The following PLCB4 variants were observed in gnomAD, a reference collection of about 807,000 sequenced individuals.
The protein encoded by PLCB4 is phospholipase C beta 4, also known as 1-phosphatidylinositol 4,5-bisphosphate phosphodiesterase beta-4.
A neutral mutation model predicts 178.8 loss-of-function variants in PLCB4; 77 were observed. The ratio of observed to expected loss-of-function variants is 0.43; its 90% confidence interval spans 0.36 to 0.52. PLCB4 has a LOEUF of 0.52. Ranked by LOEUF, PLCB4 falls within the 20% of genes least tolerant of loss-of-function variation. The pLI, the probability that PLCB4 is intolerant of heterozygous loss-of-function variation, is 0.00. For synonymous variants in PLCB4, 496 were observed against 490.8 expected (o/e 1.01, Z -0.14); for missense variants, 1,024 against 1,453.4 (o/e 0.70, Z 4.80).
At chr20:9,231,597 T>C (rs2093933444) in intron 3 of PLCB4, among the ~76,000 whole-genome samples, 1 of 152,084 alleles carries the variant, frequency 6.6e-6, no homozygotes, top group Non-Finnish European at 1.5e-5. Context: ...CGAATTTCTA[T>C]GGAGATGGGG....
intron 4 of PLCB4, among the ~76,000 whole-genome samples, chr20:9,315,703 C>T (rs1221898076): frequency 6.6e-6 from 1 of 152,074 alleles, no homozygotes; most frequent in Non-Finnish European, 1.5e-5. Flanking sequence ...TAGGCTGAGG[C>T]GGGCACATCA....
intron 33 of PLCB4, among the ~76,000 whole-genome samples, chr20:9,456,136 T>C (rs952822204): frequency 4.6e-5 from 7 of 152,170 alleles, no homozygotes; most frequent in African/African-American, 1.7e-4. Flanking sequence ...GCACCCAGCC[T>C]TCCTGGACTT....
At chr20:9,240,019 T>G (rs760713192) in intron 3 of PLCB4, among the ~76,000 whole-genome samples, 2 of 152,194 alleles carry the variant, frequency 1.3e-5, no homozygotes, top group Non-Finnish European at 2.9e-5. Context: ...CTGCCCAGAT[T>G]GAGGGTGGGT....
intron 2 of PLCB4, among the ~76,000 whole-genome samples, chr20:9,116,627 A>G (rs1372011579): frequency 6.6e-6 from 1 of 152,182 alleles, no homozygotes; most frequent in Non-Finnish European, 1.5e-5. Context: ...CAATAGCTTT[A>G]TAGAAACTTT....
At position 9,367,235 on chromosome 20, in the gene PLCB4, A is replaced by G. The variant is rs528133885; in HGVS notation, c.503+1721A>G. On this transcript the variant is annotated intron_variant, in intron 9 of 39. Coordinates refer to ENST00000378473, the MANE Select transcript of PLCB4 (RefSeq NM_001377142.1). The stretch of plus-strand genomic sequence containing the variant: ...GACCACTTAAATATCGAGAAAATGT[A>G]AAGCACAGAAGTCATGAAGACCTTA... Among the ~76,000 whole-genome samples, 12 of 152,358 alleles carry G rather than the reference A, an allele frequency of 7.9e-5. No homozygotes were observed. The East Asian group carries it at 1.7e-3, about 22-fold the overall frequency.
intron 2 of PLCB4, among the ~76,000 whole-genome samples, chr20:9,133,076 C>T (rs899538552): frequency 6.6e-6 from 1 of 152,114 alleles, no homozygotes; most frequent in African/African-American, 2.4e-5. Flanking sequence ...CTGATGCTTC[C>T]CTTTCTAATT....
chr20:9,095,376 A>G (rs191628382), intron 1 of PLCB4, among the ~76,000 whole-genome samples: 214 of 152,284 alleles, frequency 1.4e-3, no homozygotes, highest in African/African-American at 4.8e-3. Flanking sequence ...TTTTGAATCT[A>G]TATATCATTA....
intron 2 of PLCB4, among the ~76,000 whole-genome samples, chr20:9,100,208 C>T (rs994180341): frequency 6.6e-6 from 1 of 152,076 alleles, no homozygotes; most frequent in African/African-American, 2.4e-5. Flanking sequence ...CCTGTGGTGA[C>T]CAGCACCAAC....
chr20:9,163,775 A>T (rs955823036), intron 2 of PLCB4, among the ~76,000 whole-genome samples: 2 of 152,074 alleles, frequency 1.3e-5, no homozygotes, highest in African/African-American at 4.8e-5. Context: ...GATTTATCAC[A>T]TTTTTATTAC....
Position 9,310,658 on chromosome 20 carries a change from G to C in PLCB4, c.84+2760G>C, listed in dbSNP as rs542708273. On this transcript the variant is annotated intron_variant, in intron 4 of 39. Transcript: ENST00000378473. ...ACCCAAGAGGCAGAGGGTGCAGTGA[G>C]CCAAGATCACGCCCCCACACACCAA... Among the ~76,000 whole-genome samples the C allele has an allele frequency of 1.2e-4, 19 of 152,202 alleles. No individual in the cohort carries two copies. In the East Asian group the frequency reaches 3.5e-3, roughly 28 times the overall value.
chr20:9,184,599 C>CAAA (rs56964078), intron 2 of PLCB4, among the ~76,000 whole-genome samples: 3 of 118,450 alleles, frequency 2.5e-5, no homozygotes, highest in Non-Finnish European at 5.5e-5. Context: ...CATTGTGCCT[C>CAAA]AAAAAAAAAA....
chr20:9,336,137 A>G (rs2032427106), intron 4 of PLCB4, among the ~76,000 whole-genome samples: 1 of 152,174 alleles, frequency 6.6e-6, no homozygotes. Context: ...AATTGCTGGC[A>G]TTGAAATGAT....
intron 4 of PLCB4, among the ~76,000 whole-genome samples, chr20:9,323,835 T>C (rs962232758): frequency 1.3e-5 from 2 of 152,194 alleles, no homozygotes; most frequent in Non-Finnish European, 2.9e-5. Flanking sequence ...GTGGGCGTTC[T>C]GTGCTCTGCA....
At chr20:9,357,642 T>C (rs1317116863) in intron 7 of PLCB4, among the ~76,000 whole-genome samples, 2 of 152,158 alleles carry the variant, frequency 1.3e-5, no homozygotes, top group African/African-American at 4.8e-5. Context: ...AGGATTAGTG[T>C]CCTTATTTTA....
At chr20:9,258,839 C>T (rs145907893) in intron 3 of PLCB4, among the ~76,000 whole-genome samples, 1 of 151,712 alleles carries the variant, frequency 6.6e-6, no homozygotes, top group African/African-American at 2.4e-5. Context: ...GCACATTTAC[C>T]AGGAAGGTGA....
chr20:9,182,220 A>C (rs2093257727), intron 2 of PLCB4, among the ~76,000 whole-genome samples: 1 of 152,172 alleles, frequency 6.6e-6, no homozygotes, highest in South Asian at 2.1e-4. Flanking sequence ...TTTGGGCTCC[A>C]TTCTTGTAGC....
intron 2 of PLCB4, among the ~76,000 whole-genome samples, chr20:9,125,575 A>G (rs1468958240): frequency 2.0e-5 from 3 of 152,198 alleles, no homozygotes; most frequent in African/African-American, 7.2e-5. Flanking sequence ...CTCTTTATAT[A>G]TGTATATGAA....
At chr20:9,398,520 A>G (rs1417037135) in intron 19 of PLCB4, among the ~76,000 whole-genome samples, 1 of 152,198 alleles carries the variant, frequency 6.6e-6, no homozygotes, top group Non-Finnish European at 1.5e-5. Context: ...TAATTAAAAT[A>G]TGTAAGGCAT....
At chr20:9,338,103 AT>A in intron 6 of PLCB4, 36 bp downstream of exon 6, 1 of 1,368,632 alleles carries the variant, frequency 7.3e-7, no homozygotes, top group Non-Finnish European at 1.0e-6. Flanking sequence ...CTAAACACGG[AT>A]TTACTTATAT....
Sources: allele counts gnomAD v4.1 joint callset (sites outside exome capture counted in the v4.1 genomes callset), GRCh38; gene constraint gnomAD v4.1.1; transcripts MANE v1.5; gene names NCBI Gene and HGNC (gene_info 2026-07-23, HGNC 2026-07-21).